DNAJC3: variants seen among roughly 807,000 people sequenced by gnomAD.
DNAJC3 encodes the protein DnaJ heat shock protein family (Hsp40) member C3, also known as dnaJ homolog subfamily C member 3.
A neutral mutation model predicts 68.6 loss-of-function variants in DNAJC3; 38 were observed. The observed-to-expected ratio is 0.55, with a 90% CI of 0.43 to 0.73. The LOEUF (loss-of-function observed/expected upper bound fraction) is 0.73. Among genes scored for constraint, DNAJC3 ranks in the 30% least tolerant of loss-of-function variants. The probability of loss-of-function intolerance (pLI) is 0.00; values close to 1 mark genes in which losing one functional copy is unlikely to be tolerated. For synonymous variants in DNAJC3, 203 were observed against 204.0 expected (o/e 1.00, Z 0.04); for missense variants, 526 against 591.9 (o/e 0.89, Z 1.16).
At chr13:95,690,973 A>AC (rs1244805820) in intron 1 of DNAJC3, among the ~76,000 whole-genome samples, 1 of 43,190 alleles carries the variant, frequency 2.3e-5, no homozygotes, top group Non-Finnish European at 4.4e-5. Context: ...GGGGGCTGAC[A>AC]CCCCCACCTC....
chr13:95,697,603 G>GT (rs1404068384), intron 1 of DNAJC3, among the ~76,000 whole-genome samples: 1 of 152,032 alleles, frequency 6.6e-6, no homozygotes, highest in Non-Finnish European at 1.5e-5. Context: ...CCTCAAATAT[G>GT]TTTTTTTAAA....
At chr13:95,696,711 T>G (rs1258999056) in intron 1 of DNAJC3, among the ~76,000 whole-genome samples, 1 of 152,188 alleles carries the variant, frequency 6.6e-6, no homozygotes, top group Non-Finnish European at 1.5e-5. Context: ...CTTTAGCCAT[T>G]AGGTGAGGCT....
At chr13:95,696,946 CG>C (rs1460068990) in intron 1 of DNAJC3, among the ~76,000 whole-genome samples, 2 of 152,030 alleles carry the variant, frequency 1.3e-5, no homozygotes, top group African/African-American at 4.8e-5. Context: ...GGGGTTTCAC[CG>C]AGTTAGCCAG....
intron 1 of DNAJC3, among the ~76,000 whole-genome samples, chr13:95,696,419 G>A (rs9561933): frequency 0.066 from 9,989 of 152,180 alleles, 472 homozygotes; most frequent in East Asian, 0.18. Context: ...AACTAAGATT[G>A]CCCACACATT....
chr13:95,678,436 T>C (rs1289347828), intron 1 of DNAJC3, among the ~76,000 whole-genome samples: 1 of 152,154 alleles, frequency 6.6e-6, no homozygotes, highest in African/African-American at 2.4e-5. Flanking sequence ...TGCTTTTGCT[T>C]CCCCTGGTAA....
Position 95,686,985 on chromosome 13 carries a change from T to C in DNAJC3, c.82+9648T>C, listed in dbSNP as rs139607063. Among the ~76,000 whole-genome samples the C allele has an allele frequency of 1.3e-3, 204 of 152,346 alleles. 4 individuals are homozygous for C. The East Asian group carries it at 0.037, about 28-fold the overall frequency. On this transcript the variant is annotated intron_variant, in intron 1 of 11. Coordinates refer to ENST00000602402, the MANE Select transcript of DNAJC3 (RefSeq NM_006260.5). ...ACTATGGGCAGTATGGTTATTTTAATGATAGTCTCCAAATCCATGAGCCTG... is the reference window on the plus strand; with the variant it reads ...ACTATGGGCAGTATGGTTATTTTAACGATAGTCTCCAAATCCATGAGCCTG...
At chr13:95,677,609 C>T (rs988282296) in intron 1 of DNAJC3, among the ~76,000 whole-genome samples, 1 of 152,240 alleles carries the variant, frequency 6.6e-6, no homozygotes, top group Non-Finnish European at 1.5e-5. Context: ...GCGGGGGCAC[C>T]GGGCTACGAC....
At chr13:95,678,448 C>T (rs984277734) in intron 1 of DNAJC3, among the ~76,000 whole-genome samples, 1 of 152,064 alleles carries the variant, frequency 6.6e-6, no homozygotes, top group African/African-American at 2.4e-5. Context: ...CCCTGGTAAC[C>T]ATATTTTTTG....
chr13:95,769,326 C>T (rs1444719586), intron 9 of DNAJC3, among the ~76,000 whole-genome samples: 1 of 152,080 alleles, frequency 6.6e-6, no homozygotes, highest in Non-Finnish European at 1.5e-5. Flanking sequence ...ATGGCTGATG[C>T]TTTTTTTCAA....
At chr13:95,765,433 C>T (rs1335320086) in intron 9 of DNAJC3, among the ~76,000 whole-genome samples, 2 of 149,246 alleles carry the variant, frequency 1.3e-5, no homozygotes, top group African/African-American at 4.9e-5. Flanking sequence ...AAGGCTAAAT[C>T]TTGTAGAATG....
chr13:95,729,581 C>T (rs1041722258), intron 4 of DNAJC3, among the ~76,000 whole-genome samples: 4 of 151,966 alleles, frequency 2.6e-5, no homozygotes, highest in Admixed American at 6.6e-5. Context: ...TGAGAAATCT[C>T]CATACTGTTT....
chr13:95,731,590 G>T (rs1193492512), intron 4 of DNAJC3, among the ~76,000 whole-genome samples: 1 of 152,172 alleles, frequency 6.6e-6, no homozygotes, highest in Non-Finnish European at 1.5e-5. Context: ...TCCATGTGAT[G>T]TATCACATAC....
At chr13:95,760,345 G>A (rs762872614) in intron 6 of DNAJC3, 124 bp downstream of exon 6, 10 of 886,588 alleles carry the variant, frequency 1.1e-5, no homozygotes, top group Non-Finnish European at 1.6e-5. Flanking sequence ...TTTTTATATT[G>A]TATATCCATT....
intron 4 of DNAJC3, chr13:95,744,984 C>T (rs1046063640): frequency 2.6e-5 from 4 of 152,164 alleles, no homozygotes; most frequent in Non-Finnish European, 5.9e-5. Context: ...ATAAGCAGAG[C>T]TTTTGCGGTA....
At chr13:95,711,870 A>G (rs1057445242) in intron 2 of DNAJC3, among the ~76,000 whole-genome samples, 6 of 152,252 alleles carry the variant, frequency 3.9e-5, no homozygotes, top group African/African-American at 1.4e-4. Flanking sequence ...ACACAGCTAC[A>G]GAATACACAT....
At chr13:95,690,004 T>A (rs80123847) in intron 1 of DNAJC3, among the ~76,000 whole-genome samples, 3 of 152,068 alleles carry the variant, frequency 2.0e-5, no homozygotes, top group Non-Finnish European at 2.9e-5. Flanking sequence ...TTCTTTTTTT[T>A]ATTGATCATT....
chr13:95,790,233 A>T (rs933883721), intron 11 of DNAJC3, among the ~76,000 whole-genome samples: 5 of 152,156 alleles, frequency 3.3e-5, no homozygotes, highest in Non-Finnish European at 7.4e-5. Context: ...GGTTTTTCTA[A>T]TGACTCTGAG....
intron 1 of DNAJC3, among the ~76,000 whole-genome samples, chr13:95,708,253 C>T (rs1008099768): frequency 1.3e-5 from 2 of 152,194 alleles, no homozygotes; most frequent in African/African-American, 4.8e-5. Context: ...GAAATGCCTG[C>T]AAACTCCAGG....
At chr13:95,760,533 A>C in intron 6 of DNAJC3, 146 bp from the exon 7 acceptor site, 1 of 1,032,284 alleles carries the variant, frequency 9.7e-7, no homozygotes, top group Non-Finnish European at 1.4e-6. Context: ...AATGCCACGT[A>C]TAAATGTATA....
Sources: gnomAD v4.1 joint callset for allele counts (sites outside exome capture counted in the v4.1 genomes callset) on GRCh38, gnomAD v4.1.1 for gene constraint, MANE v1.5 for transcripts, NCBI Gene and HGNC (gene_info 2026-07-23, HGNC 2026-07-21) for gene names.